TENM3: variants seen among roughly 807,000 people sequenced by gnomAD.
TENM3 encodes teneurin transmembrane protein 3.
A neutral mutation model predicts 255.1 loss-of-function variants in TENM3; 63 were observed. The ratio of observed to expected loss-of-function variants is 0.25; its 90% CI spans 0.20 to 0.30. TENM3 has a LOEUF of 0.30. Ranked by LOEUF, TENM3 falls within the 10% of genes least tolerant of loss-of-function variation. The probability of loss-of-function intolerance (pLI) is 1.00; values close to 1 mark genes in which losing one functional copy is unlikely to be tolerated. For synonymous variants in TENM3, 1,306 were observed against 1,322.3 expected (o/e 0.99, Z 0.27); for missense variants, 2,929 against 3,461.1 (o/e 0.85, Z 3.86).
chr4:181,555,116 A>G, the TENM3 span, among the ~76,000 whole-genome samples: 1 of 152,336 alleles, frequency 6.6e-6, no homozygotes, highest in East Asian at 1.9e-4. Flanking sequence ...AATGAGTGCT[A>G]ACATTTATTG....
the TENM3 span, among the ~76,000 whole-genome samples, chr4:181,596,586 T>C: frequency 6.6e-6 from 1 of 152,040 alleles, no homozygotes; most frequent in South Asian, 2.1e-4. Flanking sequence ...TAAAGTAACC[T>C]CTTTATTTGT....
the TENM3 span, among the ~76,000 whole-genome samples, chr4:181,511,732 C>A: frequency 6.6e-6 from 1 of 152,154 alleles, no homozygotes; most frequent in Non-Finnish European, 1.5e-5. Flanking sequence ...CAGAAGAACT[C>A]GCTCTGGGGA....
the TENM3 span, among the ~76,000 whole-genome samples, chr4:181,845,484 G>A: frequency 6.6e-6 from 1 of 151,998 alleles, no homozygotes; most frequent in African/African-American, 2.4e-5. Flanking sequence ...GATGGGGAAG[G>A]AAATATATAT....
At chr4:182,562,520 G>A (rs1357248097) in intron 3 of TENM3, among the ~76,000 whole-genome samples, 2 of 151,912 alleles carry the variant, frequency 1.3e-5, no homozygotes, top group African/African-American at 4.8e-5. Context: ...AGTCATTTCC[G>A]TGCCATTTTT....
At chr4:181,522,980 G>A in the TENM3 span, 1 of 662,646 alleles carries the variant, frequency 1.5e-6, no homozygotes. Flanking sequence ...AGATGGGTAG[G>A]ATGCATAGGG....
chr4:181,456,063 A>G, the TENM3 span, among the ~76,000 whole-genome samples: 3 of 151,690 alleles, frequency 2.0e-5, no homozygotes, highest in African/African-American at 7.3e-5. Flanking sequence ...TTGTAAAAAT[A>G]TGATATTGAG....
At chr4:181,697,577 A>G in the TENM3 span, among the ~76,000 whole-genome samples, 1 of 151,972 alleles carries the variant, frequency 6.6e-6, no homozygotes, top group Non-Finnish European at 1.5e-5. Flanking sequence ...TATTTTTAGT[A>G]GAGAAGGGGT....
chr4:181,802,082 G>A, the TENM3 span, among the ~76,000 whole-genome samples: 6 of 152,134 alleles, frequency 3.9e-5, no homozygotes, highest in East Asian at 1.9e-4. Flanking sequence ...CAGGATGGCC[G>A]GTTCTTGCTT....
chr4:182,542,012 A>C (rs968397408), intron 3 of TENM3, among the ~76,000 whole-genome samples: 2 of 152,148 alleles, frequency 1.3e-5, no homozygotes, highest in East Asian at 3.9e-4. Context: ...TCAGTGAGCT[A>C]TGATCATGCC....
chr4:182,190,872 G>C (rs1038788618), intron 1 of TENM3, among the ~76,000 whole-genome samples: 1 of 152,026 alleles, frequency 6.6e-6, no homozygotes, highest in South Asian at 2.1e-4. Context: ...TGTCTCTTAC[G>C]CTTTGAAATT....
the TENM3 span, among the ~76,000 whole-genome samples, chr4:181,889,610 CG>C: frequency 6.6e-6 from 1 of 152,066 alleles, no homozygotes; most frequent in African/African-American, 2.4e-5. Context: ...TTTACTTGAA[CG>C]GGCAATAATT....
At chr4:182,498,543 G>A (rs183461011) in intron 3 of TENM3, among the ~76,000 whole-genome samples, 49 of 152,018 alleles carry the variant, frequency 3.2e-4, no homozygotes, top group African/African-American at 1.1e-3. Flanking sequence ...TGTACCCTCA[G>A]ATTCTATTAA....
At chr4:182,355,761 T>C (rs1765483442) in intron 3 of TENM3, among the ~76,000 whole-genome samples, 1 of 152,092 alleles carries the variant, frequency 6.6e-6, no homozygotes, top group Non-Finnish European at 1.5e-5. Context: ...TTCCCCAACA[T>C]GAGAGACTCA....
intron 3 of TENM3, among the ~76,000 whole-genome samples, chr4:182,424,387 A>G (rs941808762): frequency 6.6e-6 from 1 of 151,904 alleles, no homozygotes; most frequent in African/African-American, 2.4e-5. Flanking sequence ...AGTTAAAGTC[A>G]CTCTTTCTAG....
intron 3 of TENM3, among the ~76,000 whole-genome samples, chr4:182,475,028 C>T (rs1247793697): frequency 6.6e-6 from 1 of 152,118 alleles, no homozygotes; most frequent in African/African-American, 2.4e-5. Flanking sequence ...TTAAAATTTC[C>T]CCCATATAAG....
At chr4:181,509,570 C>A in the TENM3 span, among the ~76,000 whole-genome samples, 1 of 152,080 alleles carries the variant, frequency 6.6e-6, no homozygotes, top group East Asian at 1.9e-4. Flanking sequence ...ACAGAATTGA[C>A]CTTCTTGCAG....
At chr4:181,670,508 G>A in the TENM3 span, among the ~76,000 whole-genome samples, 11 of 152,174 alleles carry the variant, frequency 7.2e-5, no homozygotes, top group Admixed American at 6.6e-5. Context: ...AGTGAATCTT[G>A]TGGAACTAGA....
chr4:182,368,695 G>C (rs2150838078), intron 3 of TENM3, among the ~76,000 whole-genome samples: 1 of 152,270 alleles, frequency 6.6e-6, no homozygotes, highest in African/African-American at 2.4e-5. Flanking sequence ...GATGTAAAGG[G>C]ATCTATTTGG....
At chr4:182,614,406 T>A (rs1432881768) in intron 4 of TENM3, among the ~76,000 whole-genome samples, 1 of 152,132 alleles carries the variant, frequency 6.6e-6, no homozygotes, top group Non-Finnish European at 1.5e-5. Context: ...TTTCCTAGAA[T>A]CATCCTTTTT....
Sources: gnomAD v4.1 joint callset for allele counts (sites outside exome capture counted in the v4.1 genomes callset) on GRCh38, gnomAD v4.1.1 for gene constraint, MANE v1.5 for transcripts, NCBI Gene and HGNC (gene_info 2026-07-23, HGNC 2026-07-21) for gene names.